The following NCKAP5 variants were observed in gnomAD, a reference collection of about 807,000 sequenced individuals.
The protein encoded by NCKAP5 is NCK associated protein 5.
Under a neutral mutation model 167.0 loss-of-function variants are expected in NCKAP5, and 92 were observed. The observed-to-expected ratio is 0.55, with a 90% confidence interval of 0.47 to 0.66. The LOEUF is 0.66. NCKAP5 is among the 30% of genes least tolerant of loss of function. The probability of loss-of-function intolerance (pLI) is 0.00; values close to 1 mark genes in which losing one functional copy is unlikely to be tolerated. For missense variants in NCKAP5, 2,378 were observed against 2,315.0 expected (o/e 1.03, Z -0.56); for synonymous variants, 891 against 877.4 (o/e 1.02, Z -0.27).
chr2:133,651,110 C>T, the NCKAP5 span, among the ~76,000 whole-genome samples: 1 of 152,048 alleles, frequency 6.6e-6, no homozygotes, highest in African/African-American at 2.4e-5. Flanking sequence ...TGGCATTGGT[C>T]CTGACAATGA....
At chr2:132,754,651 A>G (rs1230098628) in intron 16 of NCKAP5, among the ~76,000 whole-genome samples, 1 of 152,252 alleles carries the variant, frequency 6.6e-6, no homozygotes, top group Non-Finnish European at 1.5e-5. Flanking sequence ...TGTTTTAAAG[A>G]AATTATTTGT....
At chr2:133,512,780 C>T (rs1042098633) in intron 3 of NCKAP5, among the ~76,000 whole-genome samples, 2 of 152,118 alleles carry the variant, frequency 1.3e-5, no homozygotes, top group African/African-American at 4.8e-5. Context: ...CCTTGGGTTG[C>T]CTCTTTTTTC....
intron 19 of NCKAP5, among the ~76,000 whole-genome samples, chr2:132,698,919 A>G (rs1232779679): frequency 6.6e-6 from 1 of 152,250 alleles, no homozygotes; most frequent in Non-Finnish European, 1.5e-5. Context: ...CTCTGGGTTA[A>G]GGCCCAGCAA....
At chr2:132,892,418 A>G (rs1012663274) in intron 8 of NCKAP5, among the ~76,000 whole-genome samples, 12 of 152,210 alleles carry the variant, frequency 7.9e-5, no homozygotes, top group Admixed American at 2.6e-4. Flanking sequence ...ACCTTAAAAC[A>G]TATTCCATCC....
chr2:133,647,752 A>AAG, the NCKAP5 span, among the ~76,000 whole-genome samples: 2 of 43,446 alleles, frequency 4.6e-5, no homozygotes, highest in African/African-American at 7.6e-5. Context: ...AAGGAAGGAA[A>AAG]GAAAAGAAAA....
At chr2:133,215,041 C>T (rs77365222) in intron 4 of NCKAP5, among the ~76,000 whole-genome samples, 3 of 152,254 alleles carry the variant, frequency 2.0e-5, no homozygotes, top group Non-Finnish European at 4.4e-5. Flanking sequence ...CCTAAAGGCA[C>T]AGACTAGAAG....
intron 6 of NCKAP5, among the ~76,000 whole-genome samples, chr2:133,071,393 C>G (rs898945495): frequency 6.6e-6 from 1 of 151,988 alleles, no homozygotes; most frequent in African/African-American, 2.4e-5. Flanking sequence ...TGCAGTGAGC[C>G]GAGATCCCGC....
chr2:133,617,580 G>C, the NCKAP5 span, among the ~76,000 whole-genome samples: 1 of 139,318 alleles, frequency 7.2e-6, no homozygotes, highest in African/African-American at 2.7e-5. Context: ...AAAATACCTA[G>C]GAATCCAACT....
chr2:132,819,974 A>T (rs1686582362), intron 11 of NCKAP5, among the ~76,000 whole-genome samples: 1 of 152,134 alleles, frequency 6.6e-6, no homozygotes, highest in Admixed American at 6.5e-5. Context: ...GTATTCTCAT[A>T]GGTAGTTTCA....
intron 6 of NCKAP5, among the ~76,000 whole-genome samples, chr2:133,102,169 C>T (rs1172043320): frequency 2.0e-5 from 3 of 151,946 alleles, no homozygotes; most frequent in Non-Finnish European, 2.9e-5. Flanking sequence ...GTTTTTGAAA[C>T]GGAGTCTCCC....
chr2:133,026,797 G>T (rs1429685168), intron 6 of NCKAP5, among the ~76,000 whole-genome samples: 1 of 152,156 alleles, frequency 6.6e-6, no homozygotes, highest in Admixed American at 6.5e-5. Context: ...TATAGACAAA[G>T]TTCCTATCAC....
At chr2:133,053,022 T>C (rs1272636976) in intron 6 of NCKAP5, among the ~76,000 whole-genome samples, 3 of 151,986 alleles carry the variant, frequency 2.0e-5, no homozygotes, top group African/African-American at 4.8e-5. Flanking sequence ...ATAAAAAACA[T>C]AGAAAAGTGG....
chr2:133,286,686 C>G (rs1679166276), intron 4 of NCKAP5, among the ~76,000 whole-genome samples: 1 of 152,070 alleles, frequency 6.6e-6, no homozygotes, highest in East Asian at 1.9e-4. Flanking sequence ...CCTCACATGT[C>G]AAGAGGAAAA....
At chr2:133,093,673 G>A (rs908892828) in intron 6 of NCKAP5, among the ~76,000 whole-genome samples, 3 of 152,162 alleles carry the variant, frequency 2.0e-5, no homozygotes, top group African/African-American at 7.2e-5. Context: ...TGCAGTGGTG[G>A]CTTCTGGTAT....
chr2:133,612,153 G>A, the NCKAP5 span, among the ~76,000 whole-genome samples: 1 of 151,982 alleles, frequency 6.6e-6, no homozygotes, highest in African/African-American at 2.4e-5. Context: ...TGATGACCTT[G>A]GAATGCATAG....
chr2:133,572,616 T>C (rs1688907918), upstream of NCKAP5, among the ~76,000 whole-genome samples: 1 of 152,238 alleles, frequency 6.6e-6, no homozygotes, highest in Non-Finnish European at 1.5e-5. Flanking sequence ...ATGAGTATTG[T>C]CTGCTGCAGT....
At chr2:133,436,731 T>C (rs563657701) in intron 3 of NCKAP5, among the ~76,000 whole-genome samples, 1 of 152,296 alleles carries the variant, frequency 6.6e-6, no homozygotes, top group South Asian at 2.1e-4. Flanking sequence ...CACTTGCTTA[T>C]GAGAACAGAT....
chr2:133,176,178 G>T (rs2084452502), intron 5 of NCKAP5, among the ~76,000 whole-genome samples: 1 of 152,180 alleles, frequency 6.6e-6, no homozygotes, highest in Non-Finnish European at 1.5e-5. Context: ...TAATTATTTT[G>T]CATCACTTAA....
chr2:132,960,567 AG>A (rs1287798356), intron 8 of NCKAP5, among the ~76,000 whole-genome samples: 1 of 152,206 alleles, frequency 6.6e-6, no homozygotes, highest in Non-Finnish European at 1.5e-5. Flanking sequence ...CTGTTTCATA[AG>A]AGGTTGGTGC....
Sources: allele counts gnomAD v4.1 joint callset (sites outside exome capture counted in the v4.1 genomes callset), GRCh38; gene constraint gnomAD v4.1.1; transcripts MANE v1.5; gene names NCBI Gene and HGNC (gene_info 2026-07-23, HGNC 2026-07-21).